The following CTNS variants were observed in gnomAD, a reference collection of about 807,000 sequenced individuals.
CTNS encodes cystinosin.
In CTNS, 27 loss-of-function variants were observed where a neutral mutation model predicts 43.7. That is an observed-to-expected ratio of 0.62 (90% CI 0.46 to 0.85). CTNS has a LOEUF of 0.85. CTNS is among the 40% of genes least tolerant of loss of function. CTNS has a pLI of 0.00. For missense variants in CTNS, 457 were observed against 475.4 expected (o/e 0.96, Z 0.36); for synonymous variants, 187 against 190.6 (o/e 0.98, Z 0.16).
At position 3,655,343 on chromosome 17, in the gene CTNS, G is replaced by A. The variant is rs1235252441; in HGVS notation, c.452G>A (p.Arg151Lys). The A allele has an allele frequency of 1.2e-6, 2 of 1,614,006 alleles. No homozygotes were observed. The highest frequency in any genetic ancestry group is 1.3e-5 in the African/African-American group (1 of 74,918). Reference protein sequence around the residue: ...SFYPQVIMNWRRKSVIGLSFD... With the variant: ...SFYPQVIMNWKRKSVIGLSFD... ...TACCCTCAGGTGATCATGAATTGGAGGCGGAAAAGGTAACCCCCTGGGCCG... is the reference window on the plus strand; with the variant it reads ...TACCCTCAGGTGATCATGAATTGGAAGCGGAAAAGGTAACCCCCTGGGCCG... Residue 151 changes from arginine (R) to lysine (K), a missense_variant, in exon 7 of 12, where the codon AGG (arginine) becomes AAG (lysine). Coordinates refer to ENST00000046640, the MANE Select transcript of CTNS (RefSeq NM_004937.3).
Position 3,656,593 on chromosome 17 carries a change from C to G in CTNS, c.561+7C>G, listed in dbSNP as rs1230869706. Reference sequence around the variant, plus strand: ...CTGGGTGCCCTACATCAAGGTACGGCCTTGCCTGCCCTACATCTCTGCCCA... The same window carrying G: ...CTGGGTGCCCTACATCAAGGTACGGGCTTGCCTGCCCTACATCTCTGCCCA... On this transcript the variant is annotated splice_region_variant and intron_variant, in intron 8 of 11. Coordinates refer to ENST00000046640, the MANE Select transcript of CTNS (RefSeq NM_004937.3). 12 of 1,611,938 alleles carry G rather than the reference C, an allele frequency of 7.4e-6. No homozygotes were observed. The highest frequency in any genetic ancestry group is 1.6e-4 in the Middle Eastern group (1 of 6,062).
chr17:3,654,300 A>G (rs454812), intron 5 of CTNS, among the ~76,000 whole-genome samples: 133,383 of 152,156 alleles, frequency 0.88, 60,968 homozygotes, highest in Non-Finnish European at 1. Context: ...CATGTCCAGT[A>G]AGAGGACGAG....
intron 10 of CTNS, 75 bp downstream of exon 10, chr17:3,658,250 G>A: frequency 6.4e-7 from 1 of 1,572,954 alleles, no homozygotes; most frequent in Non-Finnish European, 8.7e-7. Context: ...CTGCTCCGGT[G>A]GGGCAGCTCC....
At chr17:3,647,990 C>T (rs2075884997) in intron 4 of CTNS, among the ~76,000 whole-genome samples, 1 of 152,208 alleles carries the variant, frequency 6.6e-6, no homozygotes, top group African/African-American at 2.4e-5. Flanking sequence ...TCACTTGCTG[C>T]CACCTGCTGG....
chr17:3,655,401 A>T, intron 7 of CTNS, 49 bp downstream of exon 7: 1 of 1,611,590 alleles, frequency 6.2e-7, no homozygotes, highest in Non-Finnish European at 8.5e-7. Context: ...CCCTAGGAGC[A>T]GGGCGTTCCA....
Position 3,647,952 on chromosome 17 carries a change from CG to C in CTNS, c.140+431del, listed in dbSNP as rs2075884112. 2.6e-5 allele frequency among the ~76,000 whole-genome samples: 4 copies of C among 152,182 alleles called. No individual in the cohort carries two copies. The South Asian group carries it at 8.3e-4, about 32-fold the overall frequency. ...AGGAGTGGCCACGTCGGGTGAATGCCGCTCATGCTGGGCCTTGTCTGGGAGT... is the reference window on the plus strand; with the variant it reads ...AGGAGTGGCCACGTCGGGTGAATGCCCTCATGCTGGGCCTTGTCTGGGAGT... On this transcript the variant is annotated intron_variant, in intron 4 of 11. Coordinates refer to ENST00000046640, the MANE Select transcript of CTNS (RefSeq NM_004937.3).
chr17:3,650,136 A>G lies in CTNS; in HGVS notation c.225+1205A>G, dbSNP rs76616276. On this transcript the variant is annotated intron_variant, in intron 5 of 11. Transcript: ENST00000046640. ...AAGCATCACGTTATATACTGCAAAT[A>G]TATACACTTTTTATTTGTCAATGAT... 2,231 of 1,548,174 alleles carry G rather than the reference A, an allele frequency of 1.4e-3. 69 individuals carry two copies. The East Asian group carries it at 0.046, about 32-fold the overall frequency.
chr17:3,645,292 C>G (rs916891706), intron 3 of CTNS, among the ~76,000 whole-genome samples: 48 of 152,202 alleles, frequency 3.2e-4, no homozygotes, highest in African/African-American at 1.2e-3. Context: ...CAGGGGACAT[C>G]CTGTTCTGAG....
At chr17:3,649,070 G>A (rs922818969) in intron 5 of CTNS, 139 bp downstream of exon 5, 43 of 756,360 alleles carry the variant, frequency 5.7e-5, no homozygotes, top group Non-Finnish European at 8.2e-5. Context: ...CTTTGTTGGT[G>A]TCTTTTGGGG....
At chr17:3,649,246 C>T (rs964504988) in intron 5 of CTNS, among the ~76,000 whole-genome samples, 2 of 152,052 alleles carry the variant, frequency 1.3e-5, no homozygotes, top group Non-Finnish European at 2.9e-5. Flanking sequence ...GTAGGAAGTT[C>T]GAGACCAGCC....
At position 3,660,801 on chromosome 17, in the gene CTNS, G is replaced by A. The variant is rs1358895808; in HGVS notation, c.*432G>A. The A allele has an allele frequency of 3.0e-5, 48 of 1,605,698 alleles. No individual in the cohort carries two copies. In the Admixed American group the frequency reaches 3.4e-4, roughly 11 times the overall value. On this transcript the variant is annotated 3_prime_UTR_variant, in exon 12 of 12. Transcript: ENST00000046640. ...TGCATTCCCAGAGATCAAGCAGCCC[G>A]GTGCCGTGGCCAGTGAACTCAGAGG...
chr17:3,649,451 CAAA>C lies in CTNS; in HGVS notation c.225+537_225+539del, dbSNP rs34213111. ...TGGGTGACAGAGTGAGACTCCTTCT[CAAA>C]AAAAAAAAAAAAAAAAGTTCTTACA... On this transcript the variant is annotated intron_variant, in intron 5 of 11. Coordinates refer to ENST00000046640, the MANE Select transcript of CTNS (RefSeq NM_004937.3). 7.3e-3 allele frequency among the ~76,000 whole-genome samples: 689 copies of C among 94,978 alleles called. 7 individuals are homozygous for C. The highest frequency in any genetic ancestry group is 0.024 in the African/African-American group (657 of 27,506). The allele number at this position is 94,978 out of a possible 152,430, so 62.3% of individuals were successfully genotyped here.
At chr17:3,660,004 C>T in intron 11 of CTNS, 29 bp downstream of exon 11, 2 of 1,582,374 alleles carry the variant, frequency 1.3e-6, no homozygotes, top group Non-Finnish European at 1.7e-6. Context: ...TGCTGGCCAC[C>T]CTGCGGCTGG....
intron 3 of CTNS, among the ~76,000 whole-genome samples, chr17:3,644,798 G>A (rs1016508501): frequency 2.0e-5 from 3 of 152,030 alleles, no homozygotes; most frequent in African/African-American, 2.4e-5. Context: ...ATGGGGTTTC[G>A]CCATATTGGC....
chr17:3,640,079 G>A (rs2075647906), intron 2 of CTNS, 109 bp from the exon 3 acceptor site: 1 of 859,806 alleles, frequency 1.2e-6, no homozygotes, highest in Non-Finnish European at 2.0e-6. Flanking sequence ...ACAGCTGTCA[G>A]GTGGCAGTCC....
intron 10 of CTNS, 68 bp downstream of exon 10, chr17:3,658,243 C>T: frequency 6.3e-7 from 1 of 1,587,754 alleles, no homozygotes; most frequent in Non-Finnish European, 8.6e-7. Context: ...CCAGGCCCTG[C>T]TCCGGTGGGG....
chr17:3,654,680 CAA>C (rs560988939), intron 5 of CTNS, among the ~76,000 whole-genome samples: 10 of 82,482 alleles, frequency 1.2e-4, no homozygotes, highest in Admixed American at 2.9e-4. Flanking sequence ...GACTCCGTCT[CAA>C]AAAAAAAAAA....
At chr17:3,657,632 T>A (rs1442664473) in intron 9 of CTNS, 1 of 347,778 alleles carries the variant, frequency 2.9e-6, no homozygotes, top group African/African-American at 2.1e-5. Flanking sequence ...AGTACCTGGC[T>A]GGGAGAGGCA....
chr17:3,643,271 G>A (rs1010502903), intron 3 of CTNS, among the ~76,000 whole-genome samples: 3 of 151,836 alleles, frequency 2.0e-5, no homozygotes, highest in African/African-American at 7.3e-5. Flanking sequence ...TCGAGATCGT[G>A]CCACTGCACT....
Sources: allele counts gnomAD v4.1 joint callset (sites outside exome capture counted in the v4.1 genomes callset), GRCh38; gene constraint gnomAD v4.1.1; transcripts MANE v1.5; gene names NCBI Gene and HGNC (gene_info 2026-07-23, HGNC 2026-07-21).